Variants in GPC5 observed in about 807,000 individuals in gnomAD.
GPC5 encodes the protein glypican-5.
GPC5 carries 47 observed loss-of-function variants against 53.9 expected under a neutral mutation model. That is an observed-to-expected ratio of 0.87 (90% confidence interval 0.69 to 1.11). GPC5 has a LOEUF of 1.11. Ranked by LOEUF, GPC5 falls within the 50% of genes most tolerant of loss-of-function variation. The probability of loss-of-function intolerance (pLI) is 0.00; values close to 1 mark genes in which losing one functional copy is unlikely to be tolerated. For missense variants in GPC5, 748 were observed against 713.1 expected, an observed-to-expected ratio of 1.05 and a Z score of -0.56; for synonymous variants, 286 against 263.3, an observed-to-expected ratio of 1.09 and a Z score of -0.84.
At chr13:92,462,515 A>C (rs2139411924) in intron 7 of GPC5, among the ~76,000 whole-genome samples, 1 of 152,248 alleles carries the variant, frequency 6.6e-6, no homozygotes, top group Middle Eastern at 3.4e-3. Context: ...GAAGAGCAAT[A>C]ATTTGTTTTG....
intron 7 of GPC5, among the ~76,000 whole-genome samples, chr13:92,829,350 G>A (rs1209425178): frequency 1.3e-5 from 2 of 152,170 alleles, no homozygotes; most frequent in Non-Finnish European, 2.9e-5. Context: ...ATATCATAAA[G>A]TATTATTTCC....
intron 7 of GPC5, among the ~76,000 whole-genome samples, chr13:92,219,869 C>A (rs2042436554): frequency 6.6e-6 from 1 of 152,034 alleles, no homozygotes; most frequent in South Asian, 2.1e-4. Context: ...TTTTTAAACC[C>A]CAGAAAATCT....
chr13:92,856,298 C>T (rs938939833), intron 7 of GPC5, among the ~76,000 whole-genome samples: 4 of 151,862 alleles, frequency 2.6e-5, no homozygotes, highest in African/African-American at 4.8e-5. Flanking sequence ...TGATAAAATC[C>T]GACATCTTTC....
chr13:92,291,155 G>C (rs986322957), intron 7 of GPC5, among the ~76,000 whole-genome samples: 2 of 152,116 alleles, frequency 1.3e-5, no homozygotes, highest in African/African-American at 4.8e-5. Flanking sequence ...TGTGCGGCCG[G>C]AGCCTCCCCG....
At chr13:92,119,206 C>T (rs2041624907) in intron 6 of GPC5, among the ~76,000 whole-genome samples, 2 of 152,010 alleles carry the variant, frequency 1.3e-5, no homozygotes, top group South Asian at 2.1e-4. Flanking sequence ...AAACCATCAG[C>T]TCTCATGAGA....
chr13:91,978,486 C>G (rs1023007425), intron 6 of GPC5, among the ~76,000 whole-genome samples: 7 of 152,124 alleles, frequency 4.6e-5, no homozygotes, highest in Non-Finnish European at 1.0e-4. Flanking sequence ...GTAGCAATAA[C>G]AAAAGCAAAT....
chr13:91,964,548 C>A (rs2040162299), intron 6 of GPC5, among the ~76,000 whole-genome samples: 1 of 152,108 alleles, frequency 6.6e-6, no homozygotes, highest in Non-Finnish European at 1.5e-5. Flanking sequence ...TTCTCCAAGT[C>A]CCCTACCCGA....
chr13:91,488,054 G>A (rs1207871919), intron 2 of GPC5, among the ~76,000 whole-genome samples: 1 of 152,002 alleles, frequency 6.6e-6, no homozygotes, highest in Non-Finnish European at 1.5e-5. Flanking sequence ...TAAGTTTTGA[G>A]TGGAGGGATG....
chr13:91,561,496 G>C (rs1453341540), intron 2 of GPC5, among the ~76,000 whole-genome samples: 1 of 152,106 alleles, frequency 6.6e-6, no homozygotes, highest in Non-Finnish European at 1.5e-5. Flanking sequence ...TACAATAACT[G>C]TTAGTAACTG....
At chr13:92,494,033 A>C (rs1879866242) in intron 7 of GPC5, among the ~76,000 whole-genome samples, 1 of 150,170 alleles carries the variant, frequency 6.7e-6, no homozygotes, top group Non-Finnish European at 1.5e-5. Context: ...AGGACACTGG[A>C]CATTAAAAGA....
intron 7 of GPC5, among the ~76,000 whole-genome samples, chr13:92,838,326 T>G (rs551840096): frequency 2.7e-5 from 4 of 150,784 alleles, no homozygotes; most frequent in Admixed American, 2.6e-4. Context: ...CTACTAAAAA[T>G]ACAAAAAATT....
chr13:92,140,572 CTCTT>C (rs1339290665), intron 6 of GPC5, among the ~76,000 whole-genome samples: 1 of 152,190 alleles, frequency 6.6e-6, no homozygotes, highest in African/African-American at 2.4e-5. Context: ...CATTTTATCA[CTCTT>C]TCTGTGACCC....
chr13:91,666,015 T>G (rs2035103312), intron 2 of GPC5, among the ~76,000 whole-genome samples: 1 of 152,236 alleles, frequency 6.6e-6, no homozygotes, highest in Non-Finnish European at 1.5e-5. Context: ...AGTGACTTCT[T>G]TAACACGATG....
At chr13:91,428,848 T>A (rs973082396) in intron 1 of GPC5, among the ~76,000 whole-genome samples, 1 of 152,170 alleles carries the variant, frequency 6.6e-6, no homozygotes. Flanking sequence ...CAAGTTTGTT[T>A]TAGGAAAAAA....
chr13:92,390,234 G>T (rs1233342654), intron 7 of GPC5, among the ~76,000 whole-genome samples: 1 of 152,138 alleles, frequency 6.6e-6, no homozygotes, highest in Non-Finnish European at 1.5e-5. Context: ...TGAAGATAAT[G>T]CTGCTAGTAT....
At chr13:92,619,562 C>G (rs184435891) in intron 7 of GPC5, among the ~76,000 whole-genome samples, 225 of 151,954 alleles carry the variant, frequency 1.5e-3, no homozygotes, top group African/African-American at 4.9e-3. Flanking sequence ...TAAGATTTTT[C>G]TCTTAAATAA....
intron 7 of GPC5, among the ~76,000 whole-genome samples, chr13:92,205,096 T>C (rs1338063337): frequency 6.6e-6 from 1 of 152,176 alleles, no homozygotes; most frequent in Non-Finnish European, 1.5e-5. Flanking sequence ...GCTAAGATGG[T>C]CTCGATCTCC....
rs543603282 is a variant in GPC5 at position 91,412,655 on chromosome 13, C to T, written c.163+13446C>T. Among the ~76,000 whole-genome samples the T allele has an allele frequency of 4.6e-5, 7 of 152,304 alleles. No individual in the cohort carries two copies. The East Asian group carries it at 1.3e-3, about 29-fold the overall frequency. ...GAACTTAACAGAGGAAATATAATTT[C>T]TCAGGAATATGACGTTATCAAAGAT... On this transcript the variant is annotated intron_variant, in intron 1 of 7. Coordinates refer to ENST00000377067, the MANE Select transcript of GPC5 (RefSeq NM_004466.6).
At chr13:92,385,419 TAC>T (rs1214539268) in intron 7 of GPC5, among the ~76,000 whole-genome samples, 1 of 24,428 alleles carries the variant, frequency 4.1e-5, no homozygotes, top group South Asian at 1.5e-3. Flanking sequence ...CACATATATA[TAC>T]ATATATACAT....
Sources: allele counts gnomAD v4.1 joint callset (sites outside exome capture counted in the v4.1 genomes callset), GRCh38; gene constraint gnomAD v4.1.1; transcripts MANE v1.5; gene names NCBI Gene and HGNC (gene_info 2026-07-23, HGNC 2026-07-21).